The following DLG2 variants were observed in gnomAD, a reference collection of about 807,000 sequenced individuals.
The protein encoded by DLG2 is disks large homolog 2.
In DLG2, 45 loss-of-function variants were observed where a neutral mutation model predicts 132.5. The ratio of observed to expected loss-of-function variants is 0.34; its 90% confidence interval spans 0.27 to 0.44. The LOEUF (loss-of-function observed/expected upper bound fraction) is 0.44, where lower values mean the gene tolerates loss of function less well. Among genes scored for constraint, DLG2 ranks in the 20% least tolerant of loss-of-function variants. The pLI is 1.00. For missense variants in DLG2, 1,045 were observed against 1,196.9 expected (o/e 0.87, Z 1.87); for synonymous variants, 424 against 419.6 (o/e 1.01, Z -0.13).
chr11:84,904,147 A>G (rs1452335984), intron 6 of DLG2, among the ~76,000 whole-genome samples: 3 of 152,186 alleles, frequency 2.0e-5, no homozygotes, highest in Admixed American at 2.0e-4. Flanking sequence ...TGATAAGAGT[A>G]TAGAAATCTT....
At chr11:83,799,844 C>T (rs1454717622) in intron 17 of DLG2, among the ~76,000 whole-genome samples, 1 of 152,060 alleles carries the variant, frequency 6.6e-6, no homozygotes, top group Non-Finnish European at 1.5e-5. Flanking sequence ...AGAGAAGTGG[C>T]CAATGTTCAA....
intron 18 of DLG2, among the ~76,000 whole-genome samples, chr11:83,669,412 T>G (rs1165316988): frequency 6.6e-6 from 1 of 152,188 alleles, no homozygotes; most frequent in Non-Finnish European, 1.5e-5. Flanking sequence ...TGAATACATA[T>G]ATAGATGTAT....
chr11:85,466,286 T>G (rs2092787520), intron 3 of DLG2, among the ~76,000 whole-genome samples: 1 of 152,242 alleles, frequency 6.6e-6, no homozygotes. Context: ...TGGTAGTTTC[T>G]TTTGCTGTGC....
chr11:84,908,479 C>T (rs1008288329), intron 6 of DLG2, among the ~76,000 whole-genome samples: 2 of 151,974 alleles, frequency 1.3e-5, no homozygotes, highest in African/African-American at 4.8e-5. Flanking sequence ...GCTGGATAGC[C>T]CTAGGGACAT....
intron 6 of DLG2, among the ~76,000 whole-genome samples, chr11:84,988,382 G>A (rs992106014): frequency 6.6e-6 from 1 of 152,156 alleles, no homozygotes; most frequent in African/African-American, 2.4e-5. Context: ...CAGAGGAAAA[G>A]AAGTCGTTAT....
intron 7 of DLG2, among the ~76,000 whole-genome samples, chr11:84,328,846 T>C (rs1452936328): frequency 6.6e-6 from 1 of 152,220 alleles, no homozygotes; most frequent in Non-Finnish European, 1.5e-5. Flanking sequence ...CATTTCCAAT[T>C]CACATTTAAT....
chr11:83,589,120 G>A (rs1348268954), intron 19 of DLG2, among the ~76,000 whole-genome samples: 2 of 149,476 alleles, frequency 1.3e-5, no homozygotes, highest in African/African-American at 2.5e-5. Flanking sequence ...CCAACGTTCA[G>A]ATTCAGGAAA....
intron 7 of DLG2, among the ~76,000 whole-genome samples, chr11:84,324,187 T>C (rs1260427046): frequency 6.6e-6 from 1 of 152,078 alleles, no homozygotes; most frequent in Non-Finnish European, 1.5e-5. Context: ...AGTTTTATAG[T>C]TTTAGGTCTT....
At chr11:85,057,110 A>G (rs939345328) in intron 6 of DLG2, among the ~76,000 whole-genome samples, 5 of 151,798 alleles carry the variant, frequency 3.3e-5, no homozygotes, top group South Asian at 2.1e-4. Flanking sequence ...TGTAATACAT[A>G]TATTTTTAAA....
intron 6 of DLG2, among the ~76,000 whole-genome samples, chr11:84,691,396 C>A (rs973785250): frequency 6.6e-6 from 1 of 151,372 alleles, no homozygotes; most frequent in African/African-American, 2.4e-5. Context: ...TAAAATTCTA[C>A]GTTAAACTAC....
chr11:85,407,484 C>G (rs770647373), intron 3 of DLG2, among the ~76,000 whole-genome samples: 7 of 151,802 alleles, frequency 4.6e-5, no homozygotes, highest in Non-Finnish European at 8.8e-5. Context: ...TATTAAACAA[C>G]CAAACAACTG....
intron 21 of DLG2, among the ~76,000 whole-genome samples, chr11:83,489,955 G>GAGAT (rs1257112888): frequency 8.0e-6 from 1 of 125,766 alleles, no homozygotes; most frequent in Non-Finnish European, 1.8e-5. Context: ...TTAGAGGCAT[G>GAGAT]AGATATAAAC....
chr11:85,206,994 T>C (rs1355634980), intron 4 of DLG2, among the ~76,000 whole-genome samples: 1 of 152,206 alleles, frequency 6.6e-6, no homozygotes. Flanking sequence ...TCTAATGGTA[T>C]AATTCATTAT....
chr11:84,429,244 A>C (rs182625260), intron 7 of DLG2, among the ~76,000 whole-genome samples: 2 of 152,320 alleles, frequency 1.3e-5, no homozygotes, highest in African/African-American at 4.8e-5. Context: ...TGAGAATACA[A>C]AGACAAATGA....
chr11:83,902,964 T>A (rs537410597), intron 15 of DLG2, among the ~76,000 whole-genome samples: 4 of 152,254 alleles, frequency 2.6e-5, no homozygotes, highest in Non-Finnish European at 5.9e-5. Context: ...CACATTTATT[T>A]TTTTCCATTG....
intron 8 of DLG2, among the ~76,000 whole-genome samples, chr11:84,227,580 A>T (rs966927665): frequency 1.7e-4 from 26 of 152,166 alleles, no homozygotes; most frequent in Non-Finnish European, 3.2e-4. Context: ...CACTTATCTC[A>T]GTATTTCAAC....
chr11:84,532,006 T>G (rs1007953819), intron 7 of DLG2, among the ~76,000 whole-genome samples: 4 of 151,822 alleles, frequency 2.6e-5, no homozygotes, highest in Admixed American at 2.6e-4. Context: ...GCATAATAAA[T>G]GATGGTGCAA....
At chr11:85,554,907 G>A (rs371443276) in intron 3 of DLG2, among the ~76,000 whole-genome samples, 2 of 151,492 alleles carry the variant, frequency 1.3e-5, no homozygotes, top group South Asian at 2.1e-4. Context: ...CCCCCACCCA[G>A]AGGCTGACAG....
intron 18 of DLG2, among the ~76,000 whole-genome samples, chr11:83,639,302 G>C (rs1209709726): frequency 2.6e-5 from 4 of 152,106 alleles, no homozygotes; most frequent in Non-Finnish European, 5.9e-5. Context: ...GAGGGAACAG[G>C]GTTAGAAACT....
Sources: allele counts gnomAD v4.1 joint callset (sites outside exome capture counted in the v4.1 genomes callset), GRCh38; gene constraint gnomAD v4.1.1; transcripts MANE v1.5; gene names NCBI Gene and HGNC (gene_info 2026-07-23, HGNC 2026-07-21).